Variants in SLC24A3 observed in about 807,000 individuals in gnomAD.
SLC24A3 encodes the protein solute carrier family 24 member 3.
In SLC24A3, 28 loss-of-function variants were observed where a neutral mutation model predicts 75.8. The observed-to-expected ratio is 0.37, with a 90% CI of 0.27 to 0.51. The LOEUF (loss-of-function observed/expected upper bound fraction) is 0.51, where lower values mean the gene tolerates loss of function less well. Among genes scored for constraint, SLC24A3 ranks in the 20% least tolerant of loss-of-function variants. SLC24A3 has a pLI of 0.94. For synonymous variants in SLC24A3, 372 were observed against 334.1 expected (o/e 1.11, Z -1.24); for missense variants, 663 against 847.8 (o/e 0.78, Z 2.71).
intron 10 of SLC24A3, among the ~76,000 whole-genome samples, chr20:19,683,343 A>G (rs1310397878): frequency 2.6e-5 from 4 of 152,232 alleles, no homozygotes; most frequent in Admixed American, 1.3e-4. Flanking sequence ...AACAGGAGCT[A>G]GTATTACAAG....
chr20:19,415,221 A>G (rs574164321), intron 2 of SLC24A3, among the ~76,000 whole-genome samples: 1 of 152,300 alleles, frequency 6.6e-6, no homozygotes, highest in East Asian at 1.9e-4. Flanking sequence ...ATACACAGGT[A>G]TGTGCACACC....
At chr20:19,424,151 A>G (rs574771460) in intron 2 of SLC24A3, among the ~76,000 whole-genome samples, 2 of 152,288 alleles carry the variant, frequency 1.3e-5, no homozygotes, top group Non-Finnish European at 2.9e-5. Flanking sequence ...TGAGAGATTA[A>G]GCAGAAACCA....
intron 1 of SLC24A3, chr20:19,261,921 T>C (rs1176741446): frequency 6.6e-6 from 1 of 152,236 alleles, no homozygotes; most frequent in Non-Finnish European, 1.5e-5. Context: ...ATTGGAGATT[T>C]ATCAGCAGCT....
chr20:19,682,069 A>G, intron 10 of SLC24A3, 78 bp downstream of exon 10: 3 of 1,480,614 alleles, frequency 2.0e-6, no homozygotes, highest in Non-Finnish European at 2.8e-6. Context: ...CCTGGCCAAC[A>G]TGGCAAATCC....
At chr20:19,291,331 G>T (rs1374416545) in intron 2 of SLC24A3, among the ~76,000 whole-genome samples, 1 of 152,192 alleles carries the variant, frequency 6.6e-6, no homozygotes, top group Non-Finnish European at 1.5e-5. Context: ...CAATGGGGGT[G>T]GCCTGTCTGA....
chr20:19,232,743 G>A (rs993404035), intron 1 of SLC24A3, among the ~76,000 whole-genome samples: 5 of 152,184 alleles, frequency 3.3e-5, no homozygotes, highest in African/African-American at 1.2e-4. Context: ...CTTGTTGCAT[G>A]CTTTTATAAT....
intron 3 of SLC24A3, among the ~76,000 whole-genome samples, chr20:19,550,436 G>A (rs1443482499): frequency 6.6e-6 from 1 of 152,108 alleles, no homozygotes; most frequent in African/African-American, 2.4e-5. Flanking sequence ...CAATGAGAGA[G>A]GCAGACATGG....
intron 1 of SLC24A3, among the ~76,000 whole-genome samples, chr20:19,244,559 G>T (rs560939931): frequency 1.3e-5 from 2 of 152,322 alleles, no homozygotes; most frequent in East Asian, 3.9e-4. Context: ...AGCATGAAAG[G>T]CCTGTTGCTA....
chr20:19,297,586 C>A (rs1013098070), intron 2 of SLC24A3, among the ~76,000 whole-genome samples: 1 of 152,200 alleles, frequency 6.6e-6, no homozygotes, highest in African/African-American at 2.4e-5. Context: ...TGTGTGTAGG[C>A]ACATTCTGGA....
In SLC24A3 at chr20:19,665,882, G is replaced by A; in HGVS notation, c.706G>A (p.Val236Ile). Residue 236 changes from valine to isoleucine, a missense_variant, in exon 8 of 17, where the codon GTT (valine) becomes ATT (isoleucine). By Grantham distance (29) the Val-to-Ile change is conservative. Around this residue, in one of 2 missense-constraint regions of SLC24A3, gnomAD observed 510 missense variants for 703.6 expected, o/e 0.72. Transcript: ENST00000328041. The part of the protein sequence containing the change: ...ALIVFIYDEK[V>I]SWWESLVLVL... Reference sequence around the variant, plus strand: ...TTCACAGTTTATTTATGATGAAAAAGTTTCCTGGTAAGTACCTCTCTTTCC... The same window carrying A: ...TTCACAGTTTATTTATGATGAAAAAATTTCCTGGTAAGTACCTCTCTTTCC... 1.2e-6 allele frequency: 2 copies of A among 1,610,322 alleles called. No individual in the cohort carries two copies. Among genetic ancestry groups the A allele is most frequent in the East Asian group, 4.5e-5 (2 of 44,804 alleles).
intron 1 of SLC24A3, among the ~76,000 whole-genome samples, chr20:19,259,724 T>C (rs908080588): frequency 6.6e-6 from 1 of 152,166 alleles, no homozygotes; most frequent in African/African-American, 2.4e-5. Context: ...CCCCCAACAT[T>C]ATATATGAAA....
chr20:19,225,875 A>G (rs147312306), intron 1 of SLC24A3, among the ~76,000 whole-genome samples: 2,246 of 152,244 alleles, frequency 0.015, 32 homozygotes, highest in Non-Finnish European at 0.021. Flanking sequence ...TTGTTAATTT[A>G]TGAACAGAGT....
intron 2 of SLC24A3, among the ~76,000 whole-genome samples, chr20:19,467,880 CAAA>C (rs58937169): frequency 8.6e-5 from 9 of 104,458 alleles, no homozygotes; most frequent in Admixed American, 3.2e-4. Context: ...GACCCTGTCT[CAAA>C]AAAAAAAAAA....
chr20:19,354,761 A>G (rs2122330166), intron 2 of SLC24A3, among the ~76,000 whole-genome samples: 1 of 152,206 alleles, frequency 6.6e-6, no homozygotes, highest in East Asian at 1.9e-4. Context: ...TTAAAAGTTG[A>G]CAATACCAAG....
chr20:19,708,877 G>T (rs1214023211), intron 15 of SLC24A3, among the ~76,000 whole-genome samples: 1 of 152,192 alleles, frequency 6.6e-6, no homozygotes, highest in Non-Finnish European at 1.5e-5. Flanking sequence ...AGGGAAGGAA[G>T]GGTTCTTCCA....
At chr20:19,601,949 G>T (rs529782165) in intron 6 of SLC24A3, among the ~76,000 whole-genome samples, 29 of 152,258 alleles carry the variant, frequency 1.9e-4, no homozygotes, top group Middle Eastern at 3.4e-3. Context: ...GAGGCGGACG[G>T]ATCACCTGAG....
At chr20:19,540,621 C>T (rs1019641888) in intron 3 of SLC24A3, among the ~76,000 whole-genome samples, 11 of 152,320 alleles carry the variant, frequency 7.2e-5, no homozygotes, top group East Asian at 5.8e-4. Context: ...ACATCACACA[C>T]GCCACACGTG....
At chr20:19,544,675 G>A (rs2030558246) in intron 3 of SLC24A3, among the ~76,000 whole-genome samples, 1 of 152,092 alleles carries the variant, frequency 6.6e-6, no homozygotes, top group Admixed American at 6.6e-5. Context: ...ATAACCACCA[G>A]TGCAAAATTC....
intron 3 of SLC24A3, among the ~76,000 whole-genome samples, chr20:19,535,961 G>A (rs771846569): frequency 7.2e-5 from 11 of 152,278 alleles, no homozygotes; most frequent in Non-Finnish European, 1.5e-4. Flanking sequence ...AGAGAAGATA[G>A]GGAGGCTGAA....
Sources: gnomAD v4.1 joint callset for allele counts (sites outside exome capture counted in the v4.1 genomes callset) on GRCh38, gnomAD v4.1.1 for gene constraint, gnomAD v4.1.1 regional missense constraint, MANE v1.5 for transcripts, NCBI Gene and HGNC (gene_info 2026-07-23, HGNC 2026-07-21) for gene names.